Variants in ZNF831 observed in about 807,000 individuals in gnomAD.
ZNF831 encodes the protein zinc finger protein 831.
ZNF831 carries 59 observed loss-of-function variants against 95.8 expected under a neutral mutation model. The observed-to-expected ratio is 0.62, with a 90% confidence interval of 0.50 to 0.77. ZNF831 has a LOEUF of 0.77. Among genes scored for constraint, ZNF831 ranks in the 30% least tolerant of loss-of-function variants. ZNF831 has a pLI of 0.00. For synonymous variants in ZNF831, 961 were observed against 925.5 expected (o/e 1.04, Z -0.70); for missense variants, 2,205 against 2,164.0 (o/e 1.02, Z -0.38).
At chr20:59,249,632 G>A (rs569985951) in intron 4 of ZNF831, among the ~76,000 whole-genome samples, 75 of 152,218 alleles carry the variant, frequency 4.9e-4, no homozygotes, top group African/African-American at 1.7e-3. Context: ...CTGAGTACAC[G>A]GGAGGGTCAA....
intron 1 of ZNF831, among the ~76,000 whole-genome samples, chr20:59,135,656 G>A (rs866510029): frequency 9.2e-5 from 14 of 152,044 alleles, no homozygotes; most frequent in African/African-American, 2.9e-4. Flanking sequence ...GTGTGAACCC[G>A]GGGGGCGGAG....
chr20:59,234,309 T>C (rs1757258464), intron 4 of ZNF831, among the ~76,000 whole-genome samples: 2 of 152,144 alleles, frequency 1.3e-5, no homozygotes, highest in Non-Finnish European at 2.9e-5. Flanking sequence ...AGGGCCATCT[T>C]GATGGGTGTG....
chr20:59,222,486 C>G (rs1206224936), intron 4 of ZNF831, among the ~76,000 whole-genome samples: 1 of 151,916 alleles, frequency 6.6e-6, no homozygotes, highest in African/African-American at 2.4e-5. Flanking sequence ...CTGTTTTTCT[C>G]TCTCTCTTTT....
chr20:59,243,013 C>A (rs531168989), intron 4 of ZNF831, among the ~76,000 whole-genome samples: 14 of 152,192 alleles, frequency 9.2e-5, no homozygotes, highest in Non-Finnish European at 1.8e-4. Context: ...TCTTCAGCTA[C>A]GTGTATACTA....
At chr20:59,148,104 C>A (rs182619545) in intron 2 of ZNF831, among the ~76,000 whole-genome samples, 35 of 152,328 alleles carry the variant, frequency 2.3e-4, no homozygotes, top group Admixed American at 4.6e-4. Flanking sequence ...TAACCTAGAG[C>A]CTGATGGGGC....
chr20:59,207,070 T>G lies in ZNF831; in HGVS notation c.4027+14T>G. 1 of 1,612,728 alleles carries G rather than the reference T, an allele frequency of 6.2e-7. No individual in the cohort carries two copies. The highest frequency in any genetic ancestry group is 8.5e-7 in the Non-Finnish European group (1 of 1,179,186). On this transcript the variant is annotated intron_variant, in intron 4 of 5. Coordinates refer to ENST00000371030, the MANE Select transcript of ZNF831 (RefSeq NM_178457.3). ...CAGAAATAGCAGGTAATGCTCTCTT[T>G]GGAGGTGCATCCAGACTGGGCACTC...
At chr20:59,184,596 C>T (rs1298148191) in intron 1 of ZNF831, among the ~76,000 whole-genome samples, 1 of 152,150 alleles carries the variant, frequency 6.6e-6, no homozygotes, top group East Asian at 1.9e-4. Context: ...CGTAAGTGGT[C>T]CCCATACGTG....
chr20:59,218,096 A>C (rs1436665263), intron 4 of ZNF831, among the ~76,000 whole-genome samples: 1 of 152,242 alleles, frequency 6.6e-6, no homozygotes, highest in Non-Finnish European at 1.5e-5. Flanking sequence ...TGAGAGAGCA[A>C]ATAGTAATAT....
At chr20:59,149,782 C>T (rs1447339323) in intron 2 of ZNF831, among the ~76,000 whole-genome samples, 2 of 152,244 alleles carry the variant, frequency 1.3e-5, no homozygotes, top group Non-Finnish European at 2.9e-5. Flanking sequence ...CTGAGGGCCC[C>T]AGGGAATCCG....
At chr20:59,233,083 C>T (rs1360358007) in intron 4 of ZNF831, among the ~76,000 whole-genome samples, 2 of 151,648 alleles carry the variant, frequency 1.3e-5, no homozygotes. Flanking sequence ...GACAGACAGA[C>T]AGACTTGCCC....
At chr20:59,185,686 G>A (rs1568745864) in intron 1 of ZNF831, among the ~76,000 whole-genome samples, 1 of 152,186 alleles carries the variant, frequency 6.6e-6, no homozygotes, top group Non-Finnish European at 1.5e-5. Flanking sequence ...GGCTGTTGAT[G>A]CTCTGTGTCC....
chr20:59,215,541 C>T (rs1028043985), intron 4 of ZNF831, among the ~76,000 whole-genome samples: 5 of 152,208 alleles, frequency 3.3e-5, no homozygotes, highest in Non-Finnish European at 7.3e-5. Flanking sequence ...GCATTTATTC[C>T]CTTGGACACA....
intron 1 of ZNF831, among the ~76,000 whole-genome samples, chr20:59,180,222 G>T (rs6100358): frequency 0.11 from 17,428 of 152,040 alleles, 1,223 homozygotes; most frequent in East Asian, 0.26. Context: ...TGAGTAGCTG[G>T]GACCACAGGC....
rs1474049686 is a variant in ZNF831, at chr20:59,191,273, G to T, written c.254G>T (p.Gly85Val). ...CTAGTGACGGGCAGCCTAGATGGGG[G>T]CAACGTGCCCTTCATACTCAGCCCT... ...APLVTGSLDGGNVPFILSPVL... is the reference protein window; with the variant it reads ...APLVTGSLDGVNVPFILSPVL... Residue 85 changes from glycine (G) to valine (V), a missense_variant, in exon 2 of 6, where the codon GGC (glycine) becomes GTC (valine). By Grantham distance (109) the Gly-to-Val change is moderately radical (BLOSUM62 -3). Transcript: ENST00000371030. 1.9e-6 allele frequency: 3 copies of T among 1,560,272 alleles called. No homozygotes were observed. The highest frequency in any genetic ancestry group is 2.6e-6 in the Non-Finnish European group (3 of 1,153,424).
chr20:59,167,727 C>G (rs1404167287), intron 1 of ZNF831, among the ~76,000 whole-genome samples: 2 of 151,994 alleles, frequency 1.3e-5, no homozygotes, highest in African/African-American at 4.8e-5. Context: ...AACATCTACA[C>G]TCTCTCTACA....
At chr20:59,239,301 T>A (rs921733327) in intron 4 of ZNF831, among the ~76,000 whole-genome samples, 2 of 152,200 alleles carry the variant, frequency 1.3e-5, no homozygotes, top group African/African-American at 4.8e-5. Context: ...TCTGTCAGTG[T>A]TCATAGAAAC....
chr20:59,173,018 G>A (rs144687655), intron 1 of ZNF831, among the ~76,000 whole-genome samples: 310 of 152,296 alleles, frequency 2.0e-3, no homozygotes, highest in Non-Finnish European at 3.6e-3. Context: ...GGTGGGTTCT[G>A]AGAAGGATCA....
intron 4 of ZNF831, among the ~76,000 whole-genome samples, chr20:59,252,524 C>T (rs962851617): frequency 3.3e-5 from 5 of 152,188 alleles, no homozygotes; most frequent in South Asian, 2.1e-4. Context: ...AAGCCAACCT[C>T]ATCCCTTGCT....
intron 1 of ZNF831, among the ~76,000 whole-genome samples, chr20:59,165,806 C>A (rs897139124): frequency 5.9e-5 from 9 of 151,834 alleles, no homozygotes; most frequent in Non-Finnish European, 1.2e-4. Context: ...GGTTGGAGTG[C>A]AGTGGCATGA....
Sources: allele counts gnomAD v4.1 joint callset (sites outside exome capture counted in the v4.1 genomes callset), GRCh38; gene constraint gnomAD v4.1.1; transcripts MANE v1.5; gene names NCBI Gene and HGNC (gene_info 2026-07-23, HGNC 2026-07-21).